ANG: variants seen among roughly 807,000 people sequenced by gnomAD.
The protein encoded by ANG is angiogenin.
For synonymous variants in ANG, 74 were observed against 73.8 expected (o/e 1.00, Z -0.02); for missense variants, 178 against 187.4 (o/e 0.95, Z 0.29).
At chr14:20,686,036 T>TC (rs1195760949), upstream of ANG, among the ~76,000 whole-genome samples, 207 of 101,168 alleles carry the variant, frequency 2.0e-3, 1 homozygote, top group Non-Finnish European at 2.3e-3. Context: ...CAAGACTCCG[T>TC]CTTAAAAAAA....
chr14:20,688,959 C>A (rs1886555694), intron 1 of ANG, 85 bp downstream of exon 1: 7 of 674,734 alleles, frequency 1.0e-5, no homozygotes, highest in Non-Finnish European at 1.3e-5. Flanking sequence ...TTTAAAGCCT[C>A]CAGGCTCAAG....
Position 20,693,947 on chromosome 14 carries a change from T to C in ANG, c.383T>C (p.Val128Ala), listed in dbSNP as rs1247448441. The C allele has an allele frequency of 1.2e-6, 2 of 1,614,134 alleles. No homozygotes were observed. The highest frequency in any genetic ancestry group is 2.2e-5 in the South Asian group (2 of 91,076). Residue 128 changes from valine to alanine, a missense_variant, in exon 2 of 2, where the codon GTT (valine) becomes GCT (alanine). Transcript: ENST00000397990. ...YRATAGFRNV[V>A]VACENGLPVH... The stretch of plus-strand genomic sequence containing the variant: ...GCCACAGCGGGGTTCAGAAACGTTG[T>C]TGTTGCTTGTGAAAATGGCTTACCT...
At position 20,694,009 on chromosome 14, in the gene ANG, C is replaced by A; in HGVS notation, c.*1C>A. ...TCAGTCAATTTTCCGTCGTCCGTAA[C>A]CAGCGGGCCCCTGGTCAAGTGCTGG... On this transcript the variant is annotated 3_prime_UTR_variant, in exon 2 of 2. Coordinates refer to ENST00000397990, the MANE Select transcript of ANG (RefSeq NM_001097577.3). 1 of 1,614,132 alleles carries A rather than the reference C, an allele frequency of 6.2e-7. No homozygotes were observed. The highest frequency in any genetic ancestry group is 8.5e-7 in the Non-Finnish European group (1 of 1,180,032).
At position 20,688,785 on chromosome 14, in the gene ANG, C is replaced by G; in HGVS notation, c.-108C>G. On this transcript the variant is annotated 5_prime_UTR_variant, in exon 1 of 2. Transcript: ENST00000397990. ...ACCTGGAGAGGCCTCCAGGTTCACA[C>G]AACTGGAACCCATCTCCAGGAACAA... is the stretch of plus-strand genomic sequence containing the variant. 1 of 985,374 alleles carries G rather than the reference C, an allele frequency of 1.0e-6. No homozygotes were observed. Among genetic ancestry groups the G allele is most frequent in the Non-Finnish European group, 1.2e-6 (1 of 829,888 alleles). The allele number at this position is 985,374 out of a possible 1,614,324, so 61.0% of individuals were successfully genotyped here.
At chr14:20,690,353 C>T (rs1886681124) in intron 1 of ANG, among the ~76,000 whole-genome samples, 1 of 151,542 alleles carries the variant, frequency 6.6e-6, no homozygotes. Context: ...ATCTATAGGA[C>T]TTTTGCCACC....
At chr14:20,692,536 A>G (rs1886818652) in intron 1 of ANG, among the ~76,000 whole-genome samples, 1 of 152,240 alleles carries the variant, frequency 6.6e-6, no homozygotes, top group South Asian at 2.1e-4. Flanking sequence ...AGATTCTCAT[A>G]GGAGCTGGAC....
At chr14:20,688,279 G>A (rs1440259896), upstream of ANG, among the ~76,000 whole-genome samples, 2 of 152,192 alleles carry the variant, frequency 1.3e-5, no homozygotes, top group Non-Finnish European at 2.9e-5. Flanking sequence ...TTTCCTGGCT[G>A]TATGAAATCG....
intron 1 of ANG, among the ~76,000 whole-genome samples, chr14:20,691,357 G>A (rs1246020429): frequency 3.9e-5 from 6 of 152,216 alleles, no homozygotes; most frequent in African/African-American, 1.4e-4. Flanking sequence ...TACAGAGCAA[G>A]AGACTTAATT....
chr14:20,687,528 G>A (rs530303074), upstream of ANG, among the ~76,000 whole-genome samples: 35 of 152,246 alleles, frequency 2.3e-4, no homozygotes, highest in East Asian at 1.4e-3. Context: ...ACCGCTTTTC[G>A]GGACTCAGAG....
At chr14:20,690,642 G>T (rs1229954951) in intron 1 of ANG, among the ~76,000 whole-genome samples, 3 of 152,106 alleles carry the variant, frequency 2.0e-5, no homozygotes, top group Admixed American at 6.5e-5. Flanking sequence ...AGGGTCACTG[G>T]ACCTTTGCTA....
chr14:20,688,695 G>A (rs1367351050), upstream of ANG: 10 of 985,244 alleles, frequency 1.0e-5, no homozygotes, highest in African/African-American at 1.7e-5. Flanking sequence ...CAAGAGCAGT[G>A]TCCTTGGTTT....
intron 1 of ANG, among the ~76,000 whole-genome samples, chr14:20,693,201 G>T (rs1886890355): frequency 6.6e-6 from 1 of 152,218 alleles, no homozygotes; most frequent in Non-Finnish European, 1.5e-5. Context: ...CTGGTACCCA[G>T]TAGAGACCTA....
upstream of ANG, among the ~76,000 whole-genome samples, chr14:20,687,852 G>A (rs1038684143): frequency 3.3e-5 from 5 of 152,332 alleles, no homozygotes; most frequent in East Asian, 7.7e-4. Context: ...ATACTTGGCA[G>A]CTAGGTGGGT....
At position 20,692,994 on chromosome 14, in the gene ANG, C is replaced by A. The variant is rs556366661; in HGVS notation, c.-18-553C>A. On this transcript the variant is annotated intron_variant, in intron 1 of 1. Coordinates refer to ENST00000397990, the MANE Select transcript of ANG (RefSeq NM_001097577.3). ...TCCCGAGTAGCTGGGACTACAGGCG[C>A]CCGCCACTACGCCCGGCTAATTTTT... Among the ~76,000 whole-genome samples, 14 of 151,890 alleles carry A rather than the reference C, an allele frequency of 9.2e-5. No homozygotes were observed. The South Asian group carries it at 2.9e-3, about 32-fold the overall frequency.
At chr14:20,692,049 A>G (rs1251757870) in intron 1 of ANG, among the ~76,000 whole-genome samples, 1 of 152,244 alleles carries the variant, frequency 6.6e-6, no homozygotes, top group Non-Finnish European at 1.5e-5. Flanking sequence ...ACTATTTGAT[A>G]CGAAAATGTT....
intron 1 of ANG, among the ~76,000 whole-genome samples, chr14:20,693,054 A>G (rs973837483): frequency 6.6e-6 from 1 of 151,620 alleles, no homozygotes; most frequent in African/African-American, 2.4e-5. Flanking sequence ...TCACCGTGGT[A>G]GCCAGGATGG....
At chr14:20,689,235 A>C (rs1461630049) in intron 1 of ANG, among the ~76,000 whole-genome samples, 1 of 152,230 alleles carries the variant, frequency 6.6e-6, no homozygotes, top group Non-Finnish European at 1.5e-5. Flanking sequence ...TGTTTTTAGC[A>C]TTGTTTCCTT....
At chr14:20,690,106 T>A (rs1193047897) in intron 1 of ANG, among the ~76,000 whole-genome samples, 1 of 145,878 alleles carries the variant, frequency 6.9e-6, no homozygotes, top group Non-Finnish European at 1.5e-5. Flanking sequence ...TCCCAGCTAC[T>A]CGGGAGGCTG....
chr14:20,686,271 T>C (rs1358214596), upstream of ANG, among the ~76,000 whole-genome samples: 3 of 152,174 alleles, frequency 2.0e-5, no homozygotes, highest in Non-Finnish European at 2.9e-5. Flanking sequence ...GGAGATGAAC[T>C]ATCGTTTGGC....
Sources: allele counts gnomAD v4.1 joint callset (sites outside exome capture counted in the v4.1 genomes callset), GRCh38; gene constraint gnomAD v4.1.1; transcripts MANE v1.5; gene names NCBI Gene and HGNC (gene_info 2026-07-23, HGNC 2026-07-21).